The following KCNC2 variants were observed in gnomAD, a reference collection of about 807,000 sequenced individuals.
KCNC2 encodes the protein voltage-gated potassium channel KCNC2.
A neutral mutation model predicts 44.5 loss-of-function variants in KCNC2; 21 were observed. The observed-to-expected ratio is 0.47, with a 90% CI of 0.33 to 0.68. The LOEUF is 0.68. Ranked by LOEUF, KCNC2 falls within the 30% of genes least tolerant of loss-of-function variation. The pLI, the probability that KCNC2 is intolerant of heterozygous loss-of-function variation, is 0.01. For synonymous variants in KCNC2, 391 were observed against 339.1 expected, an observed-to-expected ratio of 1.15 and a Z score of -1.68; for missense variants, 589 against 826.2, an observed-to-expected ratio of 0.71 and a Z score of 3.52.
intron 2 of KCNC2, among the ~76,000 whole-genome samples, chr12:75,191,005 A>C (rs1430625729): frequency 6.6e-6 from 1 of 152,150 alleles, no homozygotes; most frequent in Non-Finnish European, 1.5e-5. Flanking sequence ...TAAGATAACT[A>C]TACCTATGAT....
chr12:75,052,122 G>A (rs899595765), intron 2 of KCNC2, among the ~76,000 whole-genome samples: 9 of 151,994 alleles, frequency 5.9e-5, no homozygotes, highest in African/African-American at 1.9e-4. Flanking sequence ...AATAAAAAAA[G>A]CACTCATATA....
intron 2 of KCNC2, among the ~76,000 whole-genome samples, chr12:75,166,503 GAATA>G (rs1339640475): frequency 1.3e-5 from 2 of 149,722 alleles, no homozygotes; most frequent in Admixed American, 1.3e-4. Flanking sequence ...AACATCAGCA[GAATA>G]CACATTTGTG....
At chr12:75,154,335 G>T (rs1890613509) in intron 2 of KCNC2, among the ~76,000 whole-genome samples, 2 of 151,964 alleles carry the variant, frequency 1.3e-5, no homozygotes, top group African/African-American at 2.4e-5. Flanking sequence ...CAATATTTTT[G>T]ATACAAAACT....
intron 2 of KCNC2, among the ~76,000 whole-genome samples, chr12:75,069,935 G>C (rs930363722): frequency 6.6e-6 from 1 of 152,052 alleles, no homozygotes; most frequent in Admixed American, 6.6e-5. Context: ...CATCATCATC[G>C]AAACAAATCA....
intron 2 of KCNC2, among the ~76,000 whole-genome samples, chr12:75,129,853 G>A (rs1037897685): frequency 6.6e-5 from 10 of 152,110 alleles, no homozygotes; most frequent in African/African-American, 2.4e-4. Context: ...GAAATTTATG[G>A]CAGCATGGCA....
chr12:75,203,568 G>A (rs1469244997), intron 2 of KCNC2, among the ~76,000 whole-genome samples: 1 of 151,712 alleles, frequency 6.6e-6, no homozygotes, highest in African/African-American at 2.4e-5. Context: ...CATCAAAAAG[G>A]CAACATCTTA....
chr12:75,051,196 A>C lies in KCNC2; in HGVS notation c.809T>G (p.Val270Gly). Reference sequence around the variant, plus strand: ...CGTTTCAATTTCATACTGTAGAACAACACTTGTGCCATTGATGACTGGTTC... The same window carrying C: ...CGTTTCAATTTCATACTGTAGAACACCACTTGTGCCATTGATGACTGGTTC... Reference protein sequence around the residue: ...KTEPVINGTSVVLQYEIETDP... With the variant: ...KTEPVINGTSGVLQYEIETDP... Residue 270 changes from valine (V) to glycine (G), a missense_variant, in exon 3 of 5, where the codon GTT becomes GGT. Val to Gly is a moderately radical substitution (Grantham distance 109). This residue lies in a region of KCNC2 where 40 missense variants were observed against 40.6 expected (regional missense o/e 0.99). Coordinates refer to ENST00000549446, the MANE Select transcript of KCNC2 (RefSeq NM_139137.4). The C allele has an allele frequency of 6.2e-7, 1 of 1,613,478 alleles. No individual in the cohort carries two copies. The highest frequency in any genetic ancestry group is 2.2e-5 in the East Asian group (1 of 44,852).
At chr12:75,093,469 CACT>C (rs1281867757) in intron 2 of KCNC2, among the ~76,000 whole-genome samples, 1 of 151,534 alleles carries the variant, frequency 6.6e-6, no homozygotes, top group Non-Finnish European at 1.5e-5. Flanking sequence ...AAATATTCAC[CACT>C]AATTGACCAC....
chr12:75,060,913 C>T (rs1435327370), intron 2 of KCNC2, among the ~76,000 whole-genome samples: 1 of 152,030 alleles, frequency 6.6e-6, no homozygotes, highest in Non-Finnish European at 1.5e-5. Flanking sequence ...TAAAATTCAC[C>T]TTTTTCCTTT....
At chr12:75,151,292 T>C (rs761059803) in intron 2 of KCNC2, among the ~76,000 whole-genome samples, 2 of 151,978 alleles carry the variant, frequency 1.3e-5, no homozygotes, top group African/African-American at 4.8e-5. Flanking sequence ...CCCTGAGAAT[T>C]TGTAACCACA....
Position 75,070,451 on chromosome 12 carries a change from C to CAA in KCNC2, c.688-19136_688-19135dup, listed in dbSNP as rs11304908. 1.1e-4 allele frequency among the ~76,000 whole-genome samples: 16 copies of CAA among 142,710 alleles called. 1 individual carries two copies. In the South Asian group the frequency reaches 3.2e-3, roughly 28 times the overall value. The allele number at this position is 142,710 out of a possible 152,430, so 93.6% of individuals were successfully genotyped here. A position where few individuals can be genotyped will look rare whatever the true frequency, so the allele number is the denominator to read the frequency against. On this transcript the variant is annotated intron_variant, in intron 2 of 4. Transcript: ENST00000549446. ...GGGCAACAAGAACAAAACTCCATCT[C>CAA]AAAAAAAAAAAAAAGTCACTTTTTA...
intron 2 of KCNC2, among the ~76,000 whole-genome samples, chr12:75,102,862 C>T (rs1886484228): frequency 6.6e-6 from 1 of 151,950 alleles, no homozygotes; most frequent in Admixed American, 6.6e-5. Flanking sequence ...GGAAACCATG[C>T]CTTCAATCTT....
At chr12:75,176,425 A>G (rs894689989) in intron 2 of KCNC2, among the ~76,000 whole-genome samples, 1 of 151,900 alleles carries the variant, frequency 6.6e-6, no homozygotes, top group Non-Finnish European at 1.5e-5. Flanking sequence ...AATCAGAGTA[A>G]AAGTTGAAGT....
At chr12:75,138,267 C>A (rs1301229710) in intron 2 of KCNC2, among the ~76,000 whole-genome samples, 1 of 152,140 alleles carries the variant, frequency 6.6e-6, no homozygotes, top group Non-Finnish European at 1.5e-5. Context: ...GTACCCACTA[C>A]AAAAAGCTCT....
chr12:75,152,525 A>G (rs1890475965), intron 2 of KCNC2, among the ~76,000 whole-genome samples: 2 of 151,972 alleles, frequency 1.3e-5, no homozygotes, highest in South Asian at 4.1e-4. Context: ...CATTCTCACT[A>G]AAGGAAATTT....
intron 2 of KCNC2, among the ~76,000 whole-genome samples, chr12:75,142,386 TA>T (rs1330878887): frequency 1.3e-5 from 2 of 152,138 alleles, no homozygotes; most frequent in Non-Finnish European, 2.9e-5. Flanking sequence ...AATAAAATAA[TA>T]ATAAAAACAA....
At position 75,041,052 on chromosome 12, in the gene KCNC2, C is replaced by A. The variant is rs1202065024; in HGVS notation, c.*2053G>T. Reference sequence around the variant, plus strand: ...GCAGTTCTTTTATAAGCTTTAAGTGCCTCATGAAGACGCGAGGATCTCTTC... The same window carrying A: ...GCAGTTCTTTTATAAGCTTTAAGTGACTCATGAAGACGCGAGGATCTCTTC... On this transcript the variant is annotated 3_prime_UTR_variant, in exon 5 of 5. Coordinates refer to ENST00000549446, the MANE Select transcript of KCNC2 (RefSeq NM_139137.4). 4.8e-6 allele frequency: 7 copies of A among 1,443,940 alleles called. No individual in the cohort carries two copies. Among genetic ancestry groups the A allele is most frequent in the South Asian group, 1.1e-5 (1 of 87,706 alleles). The allele number at this position is 1,443,940 out of a possible 1,614,324, so 89.4% of individuals were successfully genotyped here. A position where few individuals can be genotyped will look rare whatever the true frequency, so the allele number is the denominator to read the frequency against.
intron 2 of KCNC2, among the ~76,000 whole-genome samples, chr12:75,203,396 G>A (rs1186406296): frequency 6.6e-6 from 1 of 151,674 alleles, no homozygotes; most frequent in Non-Finnish European, 1.5e-5. Context: ...AATCTATAAT[G>A]CTAATAATAT....
chr12:75,164,083 T>C (rs1322763875), intron 2 of KCNC2, among the ~76,000 whole-genome samples: 8 of 151,716 alleles, frequency 5.3e-5, no homozygotes, highest in Admixed American at 5.3e-4. Context: ...AATAAATACA[T>C]GACTTAAGCT....
Sources: gnomAD v4.1 joint callset for allele counts (sites outside exome capture counted in the v4.1 genomes callset) on GRCh38, gnomAD v4.1.1 for gene constraint, gnomAD v4.1.1 regional missense constraint, MANE v1.5 for transcripts, NCBI Gene and HGNC (gene_info 2026-07-23, HGNC 2026-07-21) for gene names.